Variants in HIGD1C observed in about 807,000 individuals in gnomAD.
HIGD1C encodes HIG1 domain family member 1C.
A neutral mutation model predicts 13.1 loss-of-function variants in HIGD1C; 11 were observed. That is an observed-to-expected ratio of 0.84 (90% CI 0.53 to 1.39). The LOEUF is 1.39. Ranked by LOEUF, HIGD1C falls within the 40% of genes most tolerant of loss-of-function variation. The pLI is 0.00. For synonymous variants in HIGD1C, 36 were observed against 37.7 expected (o/e 0.95, Z 0.17); for missense variants, 110 against 112.0 (o/e 0.98, Z 0.08).
At chr12:50,955,046 C>A (rs1207374597) in intron 1 of HIGD1C, among the ~76,000 whole-genome samples, 1 of 152,142 alleles carries the variant, frequency 6.6e-6, no homozygotes, top group Non-Finnish European at 1.5e-5. Flanking sequence ...AATCCCAGCA[C>A]TTTGAGAGGC....
rs1456543114 is a variant in HIGD1C at position 50,954,228 on chromosome 12, T to C, written c.94+136T>C. 2.1e-5 allele frequency: 12 copies of C among 566,528 alleles called. No individual in the cohort carries two copies. In the East Asian group the frequency reaches 2.6e-4, roughly 12 times the overall value. The allele number at this position is 566,528 out of a possible 1,614,324, so 35.1% of individuals were successfully genotyped here. On this transcript the variant is annotated intron_variant, in intron 1 of 2. Coordinates refer to ENST00000398455, the Ensembl canonical transcript of HIGD1C. ...GAAGCTAACCTCCTCTAAGCATGTGTTGAACTTTCAGAATAGTTCCTAATA... is the reference window on the plus strand; with the variant it reads ...GAAGCTAACCTCCTCTAAGCATGTGCTGAACTTTCAGAATAGTTCCTAATA...
At chr12:50,940,345 A>G in the HIGD1C span, among the ~76,000 whole-genome samples, 2 of 152,156 alleles carry the variant, frequency 1.3e-5, no homozygotes, top group Admixed American at 1.3e-4. Flanking sequence ...CAGATTACTA[A>G]ATCTAATCCC....
At chr12:50,946,892 AG>A in the HIGD1C span, among the ~76,000 whole-genome samples, 12 of 152,332 alleles carry the variant, frequency 7.9e-5, no homozygotes, top group Admixed American at 5.9e-4. Flanking sequence ...CATGTACCAT[AG>A]AACTTAAAGT....
intron 2 of HIGD1C, among the ~76,000 whole-genome samples, chr12:50,967,826 G>A (rs917071974): frequency 1.3e-5 from 2 of 152,092 alleles, no homozygotes; most frequent in African/African-American, 4.8e-5. Context: ...TATAAAAAGT[G>A]ATTTAGGCTG....
chr12:50,968,377 C>T (rs1489019481), intron 2 of HIGD1C, among the ~76,000 whole-genome samples: 1 of 151,930 alleles, frequency 6.6e-6, no homozygotes, highest in Non-Finnish European at 1.5e-5. Flanking sequence ...TCCAGTTACA[C>T]TGATTCTTTT....
the HIGD1C span, among the ~76,000 whole-genome samples, chr12:50,938,233 A>C: frequency 6.7e-6 from 1 of 149,754 alleles, no homozygotes; most frequent in South Asian, 2.1e-4. Flanking sequence ...TCGGTGTCCA[A>C]AGTCTGGAAG....
chr12:50,937,617 C>T, the HIGD1C span, among the ~76,000 whole-genome samples: 430 of 152,226 alleles, frequency 2.8e-3, 2 homozygotes, highest in Non-Finnish European at 4.0e-3. Context: ...GCGGGTCCCT[C>T]GGTGGGTCCC....
intron 2 of HIGD1C, among the ~76,000 whole-genome samples, chr12:50,967,715 T>C (rs12821444): frequency 0.15 from 22,747 of 152,200 alleles, 1,902 homozygotes; most frequent in South Asian, 0.26. Flanking sequence ...CCCAGAACCA[T>C]TTCAGAGAAC....
upstream of HIGD1C, among the ~76,000 whole-genome samples, chr12:50,949,808 A>C (rs1230967000): frequency 6.6e-6 from 1 of 152,038 alleles, no homozygotes; most frequent in Non-Finnish European, 1.5e-5. Context: ...TGCTGGGATT[A>C]AGGCGTGAGC....
chr12:50,951,947 A>C (rs1349520540), upstream of HIGD1C, among the ~76,000 whole-genome samples: 5 of 151,586 alleles, frequency 3.3e-5, no homozygotes, highest in African/African-American at 1.2e-4. Flanking sequence ...AGAAAAAAAA[A>C]TCAAGGTCAA....
upstream of HIGD1C, among the ~76,000 whole-genome samples, chr12:50,953,093 C>T (rs1420874692): frequency 2.0e-5 from 3 of 152,016 alleles, no homozygotes; most frequent in East Asian, 1.9e-4. Context: ...CAATACCAGC[C>T]GACCACTCCC....
upstream of HIGD1C, among the ~76,000 whole-genome samples, chr12:50,951,960 C>A (rs138551511): frequency 2.1e-5 from 3 of 145,050 alleles, no homozygotes; most frequent in African/African-American, 7.6e-5. Flanking sequence ...AAGGTCAAGA[C>A]AGACAAAGAT....
rs367962982 is a variant in HIGD1C, at chr12:50,970,427, T to C, written c.230-15T>C. 62 of 1,324,538 alleles carry C rather than the reference T, an allele frequency of 4.7e-5. No homozygotes were observed. The African/African-American group carries it at 8.2e-4, about 17-fold the overall frequency. 82.0% of individuals were successfully genotyped at this position (1,324,538 alleles called of 1,614,324 possible). On this transcript the variant is annotated splice_polypyrimidine_tract_variant and intron_variant, in intron 2 of 2. Transcript: ENST00000398455. Reference sequence around the variant, plus strand: ...CCCATGGATACTCAATTGATATACATCCTTCTTTTTCTAGGTGTTCTCTAT... The same window carrying C: ...CCCATGGATACTCAATTGATATACACCCTTCTTTTTCTAGGTGTTCTCTAT...
upstream of HIGD1C, chr12:50,953,905 C>A (rs1399595334): frequency 1.8e-5 from 12 of 682,388 alleles, no homozygotes; most frequent in Non-Finnish European, 3.0e-5. Flanking sequence ...AACAAAAAAA[C>A]ACATAATCAA....
At chr12:50,945,252 A>G in the HIGD1C span, among the ~76,000 whole-genome samples, 7 of 152,176 alleles carry the variant, frequency 4.6e-5, no homozygotes, top group African/African-American at 1.7e-4. Context: ...GGCAGGAGAA[A>G]GAAATAAAGG....
At chr12:50,971,256 C>T (rs796323113), downstream of HIGD1C, among the ~76,000 whole-genome samples, 26 of 149,656 alleles carry the variant, frequency 1.7e-4, no homozygotes, top group African/African-American at 6.1e-4. Flanking sequence ...AAAGTAATTA[C>T]GGTTTCATAA....
chr12:50,940,624 G>A, the HIGD1C span, among the ~76,000 whole-genome samples: 1 of 151,630 alleles, frequency 6.6e-6, no homozygotes, highest in Non-Finnish European at 1.5e-5. Flanking sequence ...TCAGGAGGCT[G>A]AGGTGGGAGG....
chr12:50,956,138 TC>T (rs768483775), intron 1 of HIGD1C, among the ~76,000 whole-genome samples: 2 of 152,230 alleles, frequency 1.3e-5, no homozygotes, highest in African/African-American at 2.4e-5. Context: ...ATGCCTGTAA[TC>T]CCAACACTTT....
At chr12:50,961,264 C>T (rs910762294) in intron 2 of HIGD1C, among the ~76,000 whole-genome samples, 162 bp downstream of exon 4, 1 of 152,040 alleles carries the variant, frequency 6.6e-6, no homozygotes, top group Non-Finnish European at 1.5e-5. Flanking sequence ...CCCAGTTGTG[C>T]GCTTAATTTT....
Sources: allele counts gnomAD v4.1 joint callset (sites outside exome capture counted in the v4.1 genomes callset), GRCh38; gene constraint gnomAD v4.1.1; transcripts MANE v1.5; gene names NCBI Gene and HGNC (gene_info 2026-07-23, HGNC 2026-07-21).